The following NECTIN2 variants were observed in gnomAD, a reference collection of about 807,000 sequenced individuals.
NECTIN2 encodes nectin-2.
Under a neutral mutation model 56.9 loss-of-function variants are expected in NECTIN2, and 23 were observed. The observed-to-expected ratio is 0.40, with a 90% confidence interval of 0.29 to 0.57. The LOEUF is 0.57. Ranked by LOEUF, NECTIN2 falls within the 20% of genes least tolerant of loss-of-function variation. The pLI, the probability that NECTIN2 is intolerant of heterozygous loss-of-function variation, is 0.38. For synonymous variants in NECTIN2, 302 were observed against 313.8 expected, an observed-to-expected ratio of 0.96 and a Z score of 0.40; for missense variants, 587 against 718.3, an observed-to-expected ratio of 0.82 and a Z score of 2.09.
chr19:44,872,882 ATTAT>A lies in NECTIN2; in HGVS notation c.775+739_775+742del, dbSNP rs532426567. Among the ~76,000 whole-genome samples, 22 of 147,598 alleles carry A rather than the reference ATTAT, an allele frequency of 1.5e-4. No individual in the cohort carries two copies. In the South Asian group the frequency reaches 2.7e-3, roughly 18 times the overall value. On this transcript the variant is annotated intron_variant, in intron 3 of 8. Transcript: ENST00000252483. ...ATTATATATTAACATATATTTTGTC[ATTAT>A]TTATTATTGTTATTTAATATAATAT...
chr19:44,850,247 A>G (rs886446605), intron 1 of NECTIN2, among the ~76,000 whole-genome samples: 2 of 152,058 alleles, frequency 1.3e-5, no homozygotes, highest in African/African-American at 4.8e-5. Context: ...GGAATTGGAG[A>G]CACAGAGGGA....
chr19:44,849,802 C>T (rs913678145), intron 1 of NECTIN2, among the ~76,000 whole-genome samples: 1 of 152,100 alleles, frequency 6.6e-6, no homozygotes, highest in South Asian at 2.1e-4. Flanking sequence ...GTCAGACATA[C>T]AGAGGAAAGA....
At chr19:44,868,773 C>T (rs147483424) in intron 2 of NECTIN2, among the ~76,000 whole-genome samples, 4,366 of 151,968 alleles carry the variant, frequency 0.029, 126 homozygotes, top group Admixed American at 0.1. Flanking sequence ...ATTAGCCAGG[C>T]GTGGTGGCGG....
chr19:44,849,430 G>A (rs904382244), intron 1 of NECTIN2, among the ~76,000 whole-genome samples: 5 of 152,088 alleles, frequency 3.3e-5, no homozygotes, highest in Non-Finnish European at 7.4e-5. Context: ...CTCAAGGCCA[G>A]CGACATGTGG....
chr19:44,877,465 C>T (rs1427199126), intron 5 of NECTIN2, among the ~76,000 whole-genome samples: 1 of 152,216 alleles, frequency 6.6e-6, no homozygotes, highest in African/African-American at 2.4e-5. Flanking sequence ...TGCTCAGCCC[C>T]TGCAGGGAGC....
chr19:44,870,308 G>A (rs395908), intron 2 of NECTIN2, among the ~76,000 whole-genome samples: 23,823 of 152,030 alleles, frequency 0.16, 1,982 homozygotes, highest in South Asian at 0.2. Context: ...CTTGGAGGGC[G>A]GCCAGGAGGA....
At chr19:44,850,706 C>A (rs907759725) in intron 1 of NECTIN2, among the ~76,000 whole-genome samples, 1 of 152,138 alleles carries the variant, frequency 6.6e-6, no homozygotes, top group African/African-American at 2.4e-5. Flanking sequence ...GAAATCCAGG[C>A]ACAGACAGAC....
chr19:44,876,085 G>A (rs998128007), intron 5 of NECTIN2, among the ~76,000 whole-genome samples: 5 of 152,084 alleles, frequency 3.3e-5, no homozygotes, highest in East Asian at 3.9e-4. Context: ...GAACCCTCCC[G>A]AAACTCCCCG....
At chr19:44,884,687 T>C (rs1969341038) in intron 6 of NECTIN2, among the ~76,000 whole-genome samples, 1 of 152,050 alleles carries the variant, frequency 6.6e-6, no homozygotes, top group Non-Finnish European at 1.5e-5. Context: ...AGTGATGGGA[T>C]AGGGCAGTTG....
chr19:44,861,798 C>A (rs1016243606), intron 1 of NECTIN2, among the ~76,000 whole-genome samples: 1 of 152,086 alleles, frequency 6.6e-6, no homozygotes, highest in African/African-American at 2.4e-5. Flanking sequence ...CAATGAGATA[C>A]CATCTCACAC....
At chr19:44,878,862 C>A in intron 5 of NECTIN2, 1 of 1,302,846 alleles carries the variant, frequency 7.7e-7, no homozygotes, top group Non-Finnish European at 9.7e-7. Flanking sequence ...CCCCCGCCCC[C>A]AGAGACTTGG....
At chr19:44,876,266 C>A (rs1261460029) in intron 5 of NECTIN2, among the ~76,000 whole-genome samples, 2 of 151,830 alleles carry the variant, frequency 1.3e-5, no homozygotes, top group Non-Finnish European at 2.9e-5. Context: ...CCCGCCCAGA[C>A]AGACACCGAA....
chr19:44,882,485 G>A, intron 6 of NECTIN2, 121 bp downstream of exon 6: 1 of 957,642 alleles, frequency 1.0e-6, no homozygotes, highest in Non-Finnish European at 1.4e-6. Context: ...AGACCTAAAG[G>A]AACTGGGGTC....
chr19:44,851,897 G>A (rs981581736), intron 1 of NECTIN2, among the ~76,000 whole-genome samples: 3 of 152,146 alleles, frequency 2.0e-5, no homozygotes, highest in East Asian at 1.9e-4. Flanking sequence ...TCTGGGCAGC[G>A]GCCCTCACCC....
At chr19:44,881,409 C>T (rs570381585) in intron 5 of NECTIN2, among the ~76,000 whole-genome samples, 10 of 151,926 alleles carry the variant, frequency 6.6e-5, no homozygotes, top group Admixed American at 3.3e-4. Context: ...CAAGGCAGGC[C>T]GAGCACGGCA....
intron 6 of NECTIN2, among the ~76,000 whole-genome samples, chr19:44,883,941 G>A (rs1001596009): frequency 2.0e-5 from 3 of 151,760 alleles, no homozygotes; most frequent in South Asian, 2.1e-4. Flanking sequence ...GCAACATGGC[G>A]AAACCTGTCT....
At chr19:44,886,241 A>T in intron 8 of NECTIN2, 22 bp downstream of exon 8, 1 of 1,592,294 alleles carries the variant, frequency 6.3e-7, no homozygotes, top group East Asian at 2.2e-5. Context: ...TGGGAAGACA[A>T]AGGTGGGTTG....
chr19:44,876,517 C>T (rs1240513816), intron 5 of NECTIN2, among the ~76,000 whole-genome samples: 1 of 152,118 alleles, frequency 6.6e-6, no homozygotes, highest in Non-Finnish European at 1.5e-5. Context: ...CGTGCATGCT[C>T]CAAGCACTCT....
intron 3 of NECTIN2, among the ~76,000 whole-genome samples, chr19:44,873,562 C>T (rs557326005): frequency 3.9e-5 from 6 of 152,146 alleles, no homozygotes; most frequent in South Asian, 4.2e-4. Flanking sequence ...GAGCCCAGGA[C>T]GTGGAGTTTG....
Sources: gnomAD v4.1 joint callset for allele counts (sites outside exome capture counted in the v4.1 genomes callset) on GRCh38, gnomAD v4.1.1 for gene constraint, MANE v1.5 for transcripts, NCBI Gene and HGNC (gene_info 2026-07-23, HGNC 2026-07-21) for gene names.